Variants in CDC14A observed in about 807,000 individuals in gnomAD.
CDC14A encodes dual specificity protein phosphatase CDC14A.
CDC14A carries 53 observed loss-of-function variants against 74.4 expected under a neutral mutation model. The ratio of observed to expected loss-of-function variants is 0.71; its 90% CI spans 0.57 to 0.89. The LOEUF is 0.89. Ranked by LOEUF, CDC14A falls within the 40% of genes least tolerant of loss-of-function variation. The pLI, the probability that CDC14A is intolerant of heterozygous loss-of-function variation, is 0.00. For missense variants in CDC14A, 646 were observed against 713.7 expected, an observed-to-expected ratio of 0.91 and a Z score of 1.08; for synonymous variants, 247 against 258.4, an observed-to-expected ratio of 0.96 and a Z score of 0.43.
chr1:100,388,961 GC>G (rs1304215875), intron 3 of CDC14A, among the ~76,000 whole-genome samples: 1 of 152,112 alleles, frequency 6.6e-6, no homozygotes. Context: ...GATCACTTAA[GC>G]CCAGGAGTTC....
intron 4 of CDC14A, among the ~76,000 whole-genome samples, chr1:100,407,169 T>G (rs1481550980): frequency 6.6e-6 from 1 of 152,216 alleles, no homozygotes; most frequent in Non-Finnish European, 1.5e-5. Context: ...TAGGATCATC[T>G]TGGCTATTCA....
At chr1:100,400,928 G>T (rs1316077126) in intron 4 of CDC14A, among the ~76,000 whole-genome samples, 1 of 151,704 alleles carries the variant, frequency 6.6e-6, no homozygotes. Context: ...TTGTAAATAA[G>T]CTCTCAAATT....
At chr1:100,513,643 TTA>T (rs1208783973) in intron 15 of CDC14A, among the ~76,000 whole-genome samples, 1 of 152,198 alleles carries the variant, frequency 6.6e-6, no homozygotes, top group Non-Finnish European at 1.5e-5. Flanking sequence ...CATGTTTTAT[TTA>T]TTAACCATCT....
At chr1:100,385,301 A>G (rs1470891476) in intron 3 of CDC14A, among the ~76,000 whole-genome samples, 1 of 152,224 alleles carries the variant, frequency 6.6e-6, no homozygotes, top group Non-Finnish European at 1.5e-5. Flanking sequence ...CAACAGTGTC[A>G]GCATTACTGG....
chr1:100,485,176 T>C (rs1388157320), intron 11 of CDC14A: 2 of 985,246 alleles, frequency 2.0e-6, no homozygotes, highest in East Asian at 2.3e-4. Flanking sequence ...TGAAACACCA[T>C]TTGTTTGGTT....
chr1:100,375,459 A>G (rs1655101792), intron 2 of CDC14A, among the ~76,000 whole-genome samples: 1 of 152,246 alleles, frequency 6.6e-6, no homozygotes, highest in Admixed American at 6.5e-5. Context: ...CTTGGAATAC[A>G]GGATGATTGG....
At chr1:100,515,608 C>G (rs1016490257) in intron 15 of CDC14A, among the ~76,000 whole-genome samples, 1 of 152,074 alleles carries the variant, frequency 6.6e-6, no homozygotes, top group Admixed American at 6.5e-5. Flanking sequence ...TGGCCTTGAA[C>G]TCCTAACCTC....
chr1:100,393,319 G>T, intron 4 of CDC14A: 2 of 1,057,530 alleles, frequency 1.9e-6, no homozygotes, highest in Non-Finnish European at 3.0e-6. Context: ...TTACATCCAT[G>T]CTGTGACATT....
At chr1:100,514,594 T>G (rs1049100893) in intron 15 of CDC14A, among the ~76,000 whole-genome samples, 1 of 152,094 alleles carries the variant, frequency 6.6e-6, no homozygotes, top group Non-Finnish European at 1.5e-5. Flanking sequence ...AGCTTTAGAG[T>G]CAGACTGCTA....
At chr1:100,375,848 C>T (rs1023761791) in intron 2 of CDC14A, among the ~76,000 whole-genome samples, 64 of 152,270 alleles carry the variant, frequency 4.2e-4, no homozygotes, top group East Asian at 1.7e-3. Context: ...CACATTCACA[C>T]GTATGTTTAT....
chr1:100,345,404 A>C (rs746013148), intron 1 of CDC14A, among the ~76,000 whole-genome samples: 6 of 152,204 alleles, frequency 3.9e-5, no homozygotes, highest in Non-Finnish European at 8.8e-5. Flanking sequence ...CTAGCATCTC[A>C]GCATGACACT....
At chr1:100,351,723 T>C (rs1182906060), upstream of CDC14A, 5 of 1,549,100 alleles carry the variant, frequency 3.2e-6, no homozygotes, top group African/African-American at 2.7e-5. Context: ...TGCGCTCACA[T>C]TGGCGGCCCA....
intron 7 of CDC14A, among the ~76,000 whole-genome samples, chr1:100,451,063 C>A (rs1453925118): frequency 6.6e-6 from 1 of 152,228 alleles, no homozygotes; most frequent in East Asian, 1.9e-4. Flanking sequence ...CTTTCTCTTC[C>A]TTTGCCCACC....
At chr1:100,487,941 T>G (rs1015931679) in intron 11 of CDC14A, among the ~76,000 whole-genome samples, 5 of 152,166 alleles carry the variant, frequency 3.3e-5, no homozygotes, top group African/African-American at 1.2e-4. Flanking sequence ...TCATCATGAT[T>G]CTGTTTTTGG....
At chr1:100,489,462 C>T (rs1313208276) in intron 11 of CDC14A, among the ~76,000 whole-genome samples, 1 of 152,042 alleles carries the variant, frequency 6.6e-6, no homozygotes, top group Non-Finnish European at 1.5e-5. Context: ...AGGTTTTGGT[C>T]AGCAATTACT....
chr1:100,369,907 C>G (rs1303528185), intron 2 of CDC14A, among the ~76,000 whole-genome samples: 1 of 151,380 alleles, frequency 6.6e-6, no homozygotes, highest in East Asian at 1.9e-4. Context: ...ACCTTCTGGG[C>G]TCAAGTGATC....
At chr1:100,348,646 G>A (rs1157028729), upstream of CDC14A, among the ~76,000 whole-genome samples, 2 of 152,224 alleles carry the variant, frequency 1.3e-5, no homozygotes, top group African/African-American at 4.8e-5. Context: ...GAAGAAAATG[G>A]AGATATTTAT....
rs574345841 is a variant in CDC14A, at chr1:100,434,131, G to A, written c.390-5801G>A. 1.2e-4 allele frequency among the ~76,000 whole-genome samples: 18 copies of A among 152,252 alleles called. 1 individual carries two copies. The South Asian group carries it at 3.5e-3, about 30-fold the overall frequency. ...TTCATTCAAGAACTATTTATTGACT[G>A]CAAATTCTTCCTATGGTCATAGTTG... On this transcript the variant is annotated intron_variant, in intron 5 of 15. Transcript: ENST00000336454.
At chr1:100,361,546 A>T (rs1652752138) in intron 2 of CDC14A, among the ~76,000 whole-genome samples, 1 of 152,192 alleles carries the variant, frequency 6.6e-6, no homozygotes, top group Non-Finnish European at 1.5e-5. Flanking sequence ...TGCCTGGCAT[A>T]GATATGGGGC....
Sources: allele counts gnomAD v4.1 joint callset (sites outside exome capture counted in the v4.1 genomes callset), GRCh38; gene constraint gnomAD v4.1.1; transcripts MANE v1.5; gene names NCBI Gene and HGNC (gene_info 2026-07-23, HGNC 2026-07-21).